The following ZMYM1 variants were observed in gnomAD, a reference collection of about 807,000 sequenced individuals.
ZMYM1 encodes zinc finger MYM-type containing 1, also known as zinc finger MYM-type protein 1.
A neutral mutation model predicts 60.0 loss-of-function variants in ZMYM1; 39 were observed. That is an observed-to-expected ratio of 0.65 (90% confidence interval 0.50 to 0.85). The LOEUF (loss-of-function observed/expected upper bound fraction) is 0.85, where lower values mean the gene tolerates loss of function less well. Among genes scored for constraint, ZMYM1 ranks in the 40% least tolerant of loss-of-function variants. The pLI is 0.00. For missense variants in ZMYM1, 1,171 were observed against 1,309.5 expected, an observed-to-expected ratio of 0.89 and a Z score of 1.63; for synonymous variants, 413 against 454.0, an observed-to-expected ratio of 0.91 and a Z score of 1.15.
upstream of ZMYM1, among the ~76,000 whole-genome samples, chr1:35,075,340 G>GT (rs547486587): frequency 3.1e-3 from 465 of 151,226 alleles, 2 homozygotes; most frequent in African/African-American, 9.8e-3. Context: ...GTTGTTTTTT[G>GT]TTTTTTTTGA....
chr1:35,083,714 G>C (rs1372420228), intron 1 of ZMYM1, among the ~76,000 whole-genome samples: 4 of 151,932 alleles, frequency 2.6e-5, no homozygotes, highest in Non-Finnish European at 4.4e-5. Context: ...CTCTTTCCTG[G>C]GCTCAGGTGA....
intron 1 of ZMYM1, among the ~76,000 whole-genome samples, chr1:35,070,650 G>C (rs962241050): frequency 2.6e-5 from 4 of 152,124 alleles, no homozygotes; most frequent in Non-Finnish European, 4.4e-5. Flanking sequence ...TGATGAATAG[G>C]AGTGGTGAAA....
chr1:35,063,228 G>C (rs775094241), intron 1 of ZMYM1, among the ~76,000 whole-genome samples: 13 of 151,778 alleles, frequency 8.6e-5, no homozygotes, highest in Non-Finnish European at 1.8e-4. Flanking sequence ...CTGGGCTCCA[G>C]TGGTTCTTCA....
Position 35,113,272 on chromosome 1 carries a change from A to T in ZMYM1, c.1442A>T (p.Gln481Leu). The change falls in exon 10 of 10, where the codon CAG becomes CTG. Residue 481 changes from glutamine (Q) to leucine (L), a missense_variant. Transcript: ENST00000359858. ...GATGTGGCATTCTGTTATTCATGCC[A>T]GTTGTTCTGCCAAAAATATTTTAGC... ...KKDVAFCYSC[Q>L]LFCQKYFSCG... is the part of the protein sequence containing the mutation. 3.1e-6 allele frequency: 5 copies of T among 1,612,848 alleles called. No homozygotes were observed. Among genetic ancestry groups the T allele is most frequent in the Non-Finnish European group, 4.2e-6 (5 of 1,178,926 alleles).
intron 1 of ZMYM1, among the ~76,000 whole-genome samples, chr1:35,064,308 A>C (rs530349225): frequency 4.5e-4 from 50 of 111,062 alleles, no homozygotes; most frequent in East Asian, 2.5e-3. Context: ...AAAAAAAAAA[A>C]AAAAACAAAA....
At chr1:35,077,034 T>C (rs1000711363), upstream of ZMYM1, among the ~76,000 whole-genome samples, 5 of 151,986 alleles carry the variant, frequency 3.3e-5, no homozygotes, top group Admixed American at 3.3e-4. Flanking sequence ...TTTCAGCCAG[T>C]ATAAACTATT....
At position 35,094,010 on chromosome 1, in the gene ZMYM1, G is replaced by A; in HGVS notation, c.23G>A (p.Gly8Asp). The A allele has an allele frequency of 1.2e-6, 2 of 1,609,140 alleles. No individual in the cohort carries two copies. Among genetic ancestry groups the A allele is most frequent in the Non-Finnish European group, 1.7e-6 (2 of 1,177,342 alleles). Residue 8 changes from glycine (G) to aspartate (D), a missense_variant, in exon 2 of 10, where the codon GGT becomes GAT. Transcript: ENST00000359858. MKEPLLGGECDKAVASQL... is the reference protein window; with the variant it reads MKEPLLGDECDKAVASQL... ...AAAATGAAAGAACCACTTTTAGGTG[G>A]TGAGTGTGACAAGGCAGTGGCATCA...
chr1:35,096,573 G>C (rs537114131), intron 3 of ZMYM1, among the ~76,000 whole-genome samples: 6 of 149,094 alleles, frequency 4.0e-5, no homozygotes, highest in African/African-American at 1.5e-4. Flanking sequence ...CGCTCTTGTT[G>C]CCCAGGCTGG....
At chr1:35,104,856 C>A in intron 6 of ZMYM1, 87 bp downstream of exon 6, 1 of 1,083,892 alleles carries the variant, frequency 9.2e-7, no homozygotes, top group Non-Finnish European at 1.3e-6. Context: ...TTTTTGGTAC[C>A]CTTTGGAATA....
At chr1:35,068,667 T>A (rs894514009) in intron 1 of ZMYM1, among the ~76,000 whole-genome samples, 5 of 149,460 alleles carry the variant, frequency 3.3e-5, no homozygotes, top group Non-Finnish European at 5.9e-5. Context: ...TATATATATA[T>A]AAAACTACAC....
At chr1:35,098,732 C>T (rs1161168783) in intron 4 of ZMYM1, among the ~76,000 whole-genome samples, 1 of 152,076 alleles carries the variant, frequency 6.6e-6, no homozygotes, top group African/African-American at 2.4e-5. Flanking sequence ...ACAGTGAAAC[C>T]CTGTCTCTAC....
downstream of ZMYM1, among the ~76,000 whole-genome samples, chr1:35,116,297 CT>C (rs1399102173): frequency 6.6e-6 from 1 of 152,056 alleles, no homozygotes; most frequent in African/African-American, 2.4e-5. Context: ...TTTGTATTTC[CT>C]TTTTTGTAGA....
rs151000450 is a variant in ZMYM1, at chr1:35,070,936, G to A, written c.-300-8058G>A. ...GTCTCACTCTGTTGCCCAGGTTGGA[G>A]TGCAGTGGCATGATCTTGGCTCACT... On this transcript the variant is annotated intron_variant, in intron 1 of 10. Coordinates refer to the ZMYM1 transcript ENST00000417119. 5.1e-4 allele frequency among the ~76,000 whole-genome samples: 78 copies of A among 152,098 alleles called. 1 individual carries two copies. Among genetic ancestry groups the A allele is most frequent in the African/African-American group, 1.6e-3 (66 of 41,474 alleles).
intron 4 of ZMYM1, among the ~76,000 whole-genome samples, chr1:35,103,349 T>C (rs1643754417): frequency 6.6e-6 from 1 of 152,210 alleles, no homozygotes. Flanking sequence ...AATGGAATCA[T>C]ATATGACCTT....
At chr1:35,111,404 A>C (rs937569577) in intron 7 of ZMYM1, among the ~76,000 whole-genome samples, 2 of 152,196 alleles carry the variant, frequency 1.3e-5, no homozygotes, top group Non-Finnish European at 2.9e-5. Context: ...AAGGTTTATG[A>C]ATCCTGGAAG....
intron 1 of ZMYM1, among the ~76,000 whole-genome samples, chr1:35,081,155 A>G (rs928512063): frequency 2.6e-5 from 4 of 151,966 alleles, no homozygotes; most frequent in Non-Finnish European, 4.4e-5. Context: ...TAGAACTCCG[A>G]CCTCAGCTGA....
upstream of ZMYM1, among the ~76,000 whole-genome samples, chr1:35,078,501 G>A (rs1256682083): frequency 1.5e-5 from 2 of 135,866 alleles, no homozygotes; most frequent in African/African-American, 2.8e-5. Context: ...TTTAAAATAT[G>A]CCATTATTTT....
chr1:35,097,667 T>A (rs1333172058), intron 4 of ZMYM1, 101 bp downstream of exon 4: 1 of 1,417,560 alleles, frequency 7.1e-7, no homozygotes. Context: ...TTTTTGAGAC[T>A]GAGTTTGACT....
chr1:35,066,595 G>A (rs1641976191), intron 1 of ZMYM1, among the ~76,000 whole-genome samples: 1 of 152,166 alleles, frequency 6.6e-6, no homozygotes, highest in Non-Finnish European at 1.5e-5. Flanking sequence ...ATGCTGAAAG[G>A]AATAATGAAA....
Sources: gnomAD v4.1 joint callset for allele counts (sites outside exome capture counted in the v4.1 genomes callset) on GRCh38, gnomAD v4.1.1 for gene constraint, MANE v1.5 for transcripts, NCBI Gene and HGNC (gene_info 2026-07-23, HGNC 2026-07-21) for gene names.